The following TRAPPC10 variants were observed in gnomAD, a reference collection of about 807,000 sequenced individuals.
TRAPPC10 encodes the protein trafficking protein particle complex subunit 10, also known as TRAPP 130 kDa subunit.
In TRAPPC10, 23 loss-of-function variants were observed where a neutral mutation model predicts 125.5. The observed-to-expected ratio is 0.18, with a 90% CI of 0.13 to 0.26. The LOEUF is 0.26. Among genes scored for constraint, TRAPPC10 ranks in the 10% least tolerant of loss-of-function variants. The pLI, the probability that TRAPPC10 is intolerant of heterozygous loss-of-function variation, is 1.00. For synonymous variants in TRAPPC10, 509 were observed against 518.0 expected (o/e 0.98, Z 0.24); for missense variants, 1,123 against 1,308.4 (o/e 0.86, Z 2.19).
chr21:44,089,804 C>G, intron 17 of TRAPPC10, 29 bp from the exon 18 acceptor site: 1 of 1,588,278 alleles, frequency 6.3e-7, no homozygotes. Flanking sequence ...GGCGAGTGGT[C>G]TGAGAGTGTC....
chr21:44,018,607 G>C (rs1248114167), intron 1 of TRAPPC10, among the ~76,000 whole-genome samples: 2 of 151,732 alleles, frequency 1.3e-5, no homozygotes, highest in African/African-American at 4.8e-5. Flanking sequence ...GTTGAGGCAG[G>C]AGAATTGCTT....
At chr21:44,038,512 C>T (rs1226338956) in intron 3 of TRAPPC10, among the ~76,000 whole-genome samples, 1 of 151,926 alleles carries the variant, frequency 6.6e-6, no homozygotes, top group Non-Finnish European at 1.5e-5. Flanking sequence ...CGTGACTCTC[C>T]GTGGAACGAG....
intron 3 of TRAPPC10, among the ~76,000 whole-genome samples, chr21:44,051,641 C>T (rs1317632155): frequency 6.6e-6 from 1 of 152,230 alleles, no homozygotes; most frequent in African/African-American, 2.4e-5. Context: ...GGCACGGCTC[C>T]CTGCTGCCTG....
chr21:44,079,039 T>G (rs1281772197), intron 11 of TRAPPC10, among the ~76,000 whole-genome samples: 2 of 152,170 alleles, frequency 1.3e-5, no homozygotes, highest in African/African-American at 2.4e-5. Flanking sequence ...TCCTGTGGAG[T>G]GCTCTTTGCC....
chr21:44,071,834 A>G (rs2036891704), intron 7 of TRAPPC10, among the ~76,000 whole-genome samples: 3 of 152,198 alleles, frequency 2.0e-5, no homozygotes, highest in African/African-American at 7.2e-5. Flanking sequence ...GAGGCTTTGC[A>G]CTTTGGGAGG....
At position 44,059,669 on chromosome 21, in the gene TRAPPC10, C is replaced by T; in HGVS notation, c.790+455C>T. ...TTAAATAATATCTTAAGCTCCTTTACAATTAAAGAATTAGCACAGTGAAAC... is the reference window on the plus strand; with the variant it reads ...TTAAATAATATCTTAAGCTCCTTTATAATTAAAGAATTAGCACAGTGAAAC... On this transcript the variant is annotated intron_variant, in intron 6 of 22. Transcript: ENST00000291574. The surrounding 1 kb of genome is among the most constrained non-coding windows in gnomAD (Gnocchi z 4.4). 1 of 559,300 alleles carries T rather than the reference C, an allele frequency of 1.8e-6. No individual in the cohort carries two copies. The allele number at this position is 559,300 out of a possible 1,614,324, so 34.6% of individuals were successfully genotyped here. A position where few individuals can be genotyped will look rare whatever the true frequency, so the allele number is the denominator to read the frequency against.
chr21:44,100,982 C>T (rs573269295), intron 21 of TRAPPC10, among the ~76,000 whole-genome samples: 1 of 71,984 alleles, frequency 1.4e-5, no homozygotes, highest in African/African-American at 3.0e-5. Context: ...ATGGCGAAAC[C>T]CCATCTCTAC....
At chr21:44,020,353 C>T (rs1353558926) in intron 1 of TRAPPC10, among the ~76,000 whole-genome samples, 1 of 152,050 alleles carries the variant, frequency 6.6e-6, no homozygotes, top group East Asian at 1.9e-4. Flanking sequence ...GTCTCGATCT[C>T]CTGACCTTGT....
At chr21:44,040,344 C>T (rs1315503860) in intron 3 of TRAPPC10, among the ~76,000 whole-genome samples, 1 of 151,732 alleles carries the variant, frequency 6.6e-6, no homozygotes, top group Admixed American at 6.6e-5. Flanking sequence ...AAAATTCTCT[C>T]TCTCTTTTTT....
At chr21:44,089,534 A>C (rs1008005470) in intron 17 of TRAPPC10, 3 of 498,920 alleles carry the variant, frequency 6.0e-6, no homozygotes, top group African/African-American at 5.8e-5. Context: ...TGGGAGCAGC[A>C]GGTGGGTCTG....
intron 3 of TRAPPC10, among the ~76,000 whole-genome samples, chr21:44,044,316 C>T (rs1388969825): frequency 4.2e-5 from 6 of 143,984 alleles, no homozygotes; most frequent in South Asian, 4.4e-4. Context: ...TTCTAATAGC[C>T]TTTTTTTTTT....
intron 10 of TRAPPC10, among the ~76,000 whole-genome samples, chr21:44,077,395 C>G (rs1386545408): frequency 6.6e-6 from 1 of 152,140 alleles, no homozygotes; most frequent in Non-Finnish European, 1.5e-5. Context: ...TGAGACCAGC[C>G]TAGCCAACAT....
chr21:44,074,141 G>A (rs946018025), intron 7 of TRAPPC10, among the ~76,000 whole-genome samples, 183 bp from the exon 8 acceptor site: 1 of 152,186 alleles, frequency 6.6e-6, no homozygotes, highest in Admixed American at 6.5e-5. Context: ...CCATGTGAAT[G>A]TAGGTGATTA....
intron 1 of TRAPPC10, among the ~76,000 whole-genome samples, chr21:44,021,690 G>T (rs1228969018): frequency 6.6e-6 from 1 of 152,170 alleles, no homozygotes; most frequent in Non-Finnish European, 1.5e-5. Context: ...GACTCCCAGT[G>T]TGCTAAGAAT....
chr21:44,069,031 G>T (rs1433044883), intron 7 of TRAPPC10, among the ~76,000 whole-genome samples: 1 of 152,144 alleles, frequency 6.6e-6, no homozygotes, highest in East Asian at 1.9e-4. Flanking sequence ...GTGGAGTTTT[G>T]ATCTAAACAT....
chr21:44,094,244 T>C lies in TRAPPC10; in HGVS notation c.3168+11T>C. Reference sequence around the variant, plus strand: ...GTGGAAAATTTTTTTGTAAGTGATGTATTATTTTGGGAGGGTGGGGGTGAA... The same window carrying C: ...GTGGAAAATTTTTTTGTAAGTGATGCATTATTTTGGGAGGGTGGGGGTGAA... On this transcript the variant is annotated intron_variant, in intron 20 of 22. Transcript: ENST00000291574. 1 of 1,535,380 alleles carries C rather than the reference T, an allele frequency of 6.5e-7. No individual in the cohort carries two copies. Among genetic ancestry groups the C allele is most frequent in the Non-Finnish European group, 8.7e-7 (1 of 1,149,308 alleles).
At chr21:44,092,231 G>A (rs1440673527) in intron 19 of TRAPPC10, among the ~76,000 whole-genome samples, 182 bp downstream of exon 19, 1 of 152,242 alleles carries the variant, frequency 6.6e-6, no homozygotes, top group Non-Finnish European at 1.5e-5. Context: ...CTGAGTAAGC[G>A]GGTGGCTGGA....
At chr21:44,018,104 T>G (rs1275618536) in intron 1 of TRAPPC10, among the ~76,000 whole-genome samples, 3 of 152,160 alleles carry the variant, frequency 2.0e-5, no homozygotes, top group Middle Eastern at 3.4e-3. Context: ...GAGTTTCTAG[T>G]AAGTTCTTTA....
chr21:44,064,811 C>T (rs1444998792), intron 7 of TRAPPC10, among the ~76,000 whole-genome samples: 1 of 152,174 alleles, frequency 6.6e-6, no homozygotes, highest in Non-Finnish European at 1.5e-5. Context: ...GAGCTAAGCT[C>T]ATTAGTACCT....
Sources: allele counts gnomAD v4.1 joint callset (sites outside exome capture counted in the v4.1 genomes callset), GRCh38; gene constraint gnomAD v4.1.1; non-coding constraint Gnocchi (gnomAD v3.1); transcripts MANE v1.5; gene names NCBI Gene and HGNC (gene_info 2026-07-23, HGNC 2026-07-21).